Variants in RNF144A observed in about 807,000 individuals in gnomAD.
RNF144A encodes E3 ubiquitin-protein ligase RNF144A.
Under a neutral mutation model 38.7 loss-of-function variants are expected in RNF144A, and 11 were observed. The observed-to-expected ratio is 0.28, with a 90% confidence interval of 0.18 to 0.47. The LOEUF is 0.47. RNF144A is among the 20% of genes least tolerant of loss of function. RNF144A has a pLI of 0.99. For missense variants in RNF144A, 316 were observed against 377.2 expected (o/e 0.84, Z 1.34); for synonymous variants, 149 against 143.9 (o/e 1.04, Z -0.25).
At chr2:7,034,780 G>A (rs1672553098) in intron 8 of RNF144A, among the ~76,000 whole-genome samples, 1 of 152,246 alleles carries the variant, frequency 6.6e-6, no homozygotes, top group Admixed American at 6.5e-5. Context: ...ACTGGATGTT[G>A]CAGAAAGTGC....
chr2:6,990,454 A>AAT (rs760473551), intron 2 of RNF144A, among the ~76,000 whole-genome samples: 12 of 126,272 alleles, frequency 9.5e-5, no homozygotes, highest in Non-Finnish European at 1.8e-4. Flanking sequence ...ATATATATAT[A>AAT]ATATATAATA....
intron 6 of RNF144A, 145 bp from the exon 7 acceptor site, chr2:7,024,224 G>C: frequency 4.4e-6 from 3 of 678,306 alleles, no homozygotes; most frequent in Non-Finnish European, 6.5e-6. Flanking sequence ...CTGTTTCTTT[G>C]TTTTTTGGTT....
At chr2:7,052,762 A>C (rs1673579839) in intron 6 of RNF144A, among the ~76,000 whole-genome samples, 2 of 152,160 alleles carry the variant, frequency 1.3e-5, no homozygotes, top group Non-Finnish European at 2.9e-5. Context: ...TCGTTTACCG[A>C]GGACCTTCCT....
rs140668540 is a variant in RNF144A, at chr2:7,026,560, G to T, written c.657+2044G>T. On this transcript the variant is annotated intron_variant, in intron 7 of 8. Coordinates refer to ENST00000320892, the MANE Select transcript of RNF144A (RefSeq NM_014746.6). ...TGATATAATATCTAATATCTGGCCT[G>T]CAATTTATTACTCTTTGTAACTTTC... Among the ~76,000 whole-genome samples, 394 of 148,688 alleles carry T rather than the reference G, an allele frequency of 2.6e-3. 1 individual carries two copies. Among genetic ancestry groups the T allele is most frequent in the South Asian group, 0.016 (74 of 4,716 alleles).
the RNF144A span, among the ~76,000 whole-genome samples, chr2:7,074,145 C>T: frequency 6.6e-6 from 1 of 152,210 alleles, no homozygotes; most frequent in African/African-American, 2.4e-5. Flanking sequence ...ATCACAATGA[C>T]TCTGTTGTAT....
At chr2:6,952,818 A>G (rs1003925120) in intron 2 of RNF144A, among the ~76,000 whole-genome samples, 8 of 151,984 alleles carry the variant, frequency 5.3e-5, no homozygotes, top group Admixed American at 4.6e-4. Flanking sequence ...TTTCAATTTA[A>G]TTCGCATAAA....
intron 8 of RNF144A, among the ~76,000 whole-genome samples, chr2:7,036,079 G>A (rs146842400): frequency 1.1e-3 from 172 of 152,302 alleles, no homozygotes; most frequent in Middle Eastern, 3.4e-3. Flanking sequence ...GCTGTGAGCC[G>A]CACCTGTGCC....
At chr2:6,971,370 A>G (rs1420793085) in intron 2 of RNF144A, among the ~76,000 whole-genome samples, 4 of 152,206 alleles carry the variant, frequency 2.6e-5, no homozygotes, top group African/African-American at 9.6e-5. Flanking sequence ...GCTGTCTAGT[A>G]TACGTGGTGA....
chr2:6,957,071 G>A (rs1667052704), intron 2 of RNF144A, among the ~76,000 whole-genome samples: 1 of 152,162 alleles, frequency 6.6e-6, no homozygotes, highest in Non-Finnish European at 1.5e-5. Context: ...TGGAATGTGA[G>A]GAATAATTGG....
At chr2:6,921,212 A>G (rs1664519121) in intron 1 of RNF144A, among the ~76,000 whole-genome samples, 1 of 152,204 alleles carries the variant, frequency 6.6e-6, no homozygotes, top group East Asian at 1.9e-4. Flanking sequence ...CAAATAACCC[A>G]AGACCTGAAT....
At position 6,962,300 on chromosome 2, in the gene RNF144A, C is replaced by T. The variant is rs150463286; in HGVS notation, c.-12+21153C>T. On this transcript the variant is annotated intron_variant, in intron 2 of 8. Coordinates refer to ENST00000320892, the MANE Select transcript of RNF144A (RefSeq NM_014746.6). This position sits in a 1 kb window ranked among gnomAD's most constrained non-coding sequence, Gnocchi z 4.1. ...TTGCCCTTTTATTTATTACTGTACA[C>T]GTGGTAACAGAAAAGGGAAGATGGA... is the stretch of plus-strand genomic sequence containing the variant. 3.9e-5 allele frequency among the ~76,000 whole-genome samples: 6 copies of T among 152,264 alleles called. No homozygotes were observed. The East Asian group carries it at 9.6e-4, about 24-fold the overall frequency.
chr2:7,034,080 A>C (rs1282405310), intron 8 of RNF144A, among the ~76,000 whole-genome samples: 1 of 152,140 alleles, frequency 6.6e-6, no homozygotes, highest in East Asian at 1.9e-4. Flanking sequence ...GTGGAAGTGG[A>C]TGACTTGGAG....
downstream of RNF144A, among the ~76,000 whole-genome samples, chr2:7,070,024 G>A (rs1329007950): frequency 6.6e-6 from 1 of 152,148 alleles, no homozygotes; most frequent in Non-Finnish European, 1.5e-5. Context: ...TGGATGAGAA[G>A]GTTCACAGTG....
At chr2:6,967,831 A>C (rs1471178337) in intron 2 of RNF144A, among the ~76,000 whole-genome samples, 1 of 152,164 alleles carries the variant, frequency 6.6e-6, no homozygotes, top group Non-Finnish European at 1.5e-5. Context: ...AATGTGTAAA[A>C]TGAGGGAAAA....
Position 7,040,802 on chromosome 2 carries a change from A to T in RNF144A, c.*1042A>T, listed in dbSNP as rs189947546. On this transcript the variant is annotated 3_prime_UTR_variant, in exon 9 of 9. Coordinates refer to ENST00000320892, the MANE Select transcript of RNF144A (RefSeq NM_014746.6). ...GCCTGCCAGATTTTCACATTTTTAA[A>T]ATGTTCTAGTCATTTTGAGAAATCA... 2.9e-4 allele frequency: 287 copies of T among 985,418 alleles called. 2 individuals are homozygous for T. The African/African-American group carries it at 4.8e-3, about 17-fold the overall frequency. The allele number at this position is 985,418 out of a possible 1,614,324, so 61.0% of individuals were successfully genotyped here. A position where few individuals can be genotyped will look rare whatever the true frequency, so the allele number is the denominator to read the frequency against.
At chr2:7,022,058 G>T (rs553023641) in intron 6 of RNF144A, among the ~76,000 whole-genome samples, 8 of 152,310 alleles carry the variant, frequency 5.3e-5, no homozygotes, top group African/African-American at 1.9e-4. Context: ...AAGCCTCTCC[G>T]AGGCTGCCTC....
chr2:6,956,019 C>T (rs1425443248), intron 2 of RNF144A, among the ~76,000 whole-genome samples: 1 of 152,164 alleles, frequency 6.6e-6, no homozygotes, highest in Non-Finnish European at 1.5e-5. Flanking sequence ...ATCCGTACAG[C>T]TCCTGACTCT....
intron 3 of RNF144A, among the ~76,000 whole-genome samples, chr2:6,997,560 C>T (rs920590147): frequency 3.3e-5 from 5 of 152,118 alleles, no homozygotes; most frequent in African/African-American, 1.2e-4. Flanking sequence ...CTTTTGGGGC[C>T]AGATGATCCT....
intron 2 of RNF144A, among the ~76,000 whole-genome samples, chr2:6,949,957 A>T (rs116677370): frequency 0.024 from 3,645 of 152,110 alleles, 155 homozygotes; most frequent in African/African-American, 0.084. Flanking sequence ...TATTATTATT[A>T]TTTTTTTATT....
Sources: gnomAD v4.1 joint callset for allele counts (sites outside exome capture counted in the v4.1 genomes callset) on GRCh38, gnomAD v4.1.1 for gene constraint, Gnocchi (gnomAD v3.1) non-coding constraint, MANE v1.5 for transcripts, NCBI Gene and HGNC (gene_info 2026-07-23, HGNC 2026-07-21) for gene names.